Variants in SLC11A2 observed in about 807,000 individuals in gnomAD.
SLC11A2 encodes the protein solute carrier family 11 member 2.
In SLC11A2, 38 loss-of-function variants were observed where a neutral mutation model predicts 68.0. The observed-to-expected ratio is 0.56, with a 90% CI of 0.43 to 0.73. The LOEUF is 0.73. Among genes scored for constraint, SLC11A2 ranks in the 30% least tolerant of loss-of-function variants. The probability of loss-of-function intolerance (pLI) is 0.00; values close to 1 mark genes in which losing one functional copy is unlikely to be tolerated. For missense variants in SLC11A2, 517 were observed against 690.5 expected (o/e 0.75, Z 2.82); for synonymous variants, 242 against 250.6 (o/e 0.97, Z 0.32).
chr12:51,016,482 G>A (rs182491580), intron 1 of SLC11A2, among the ~76,000 whole-genome samples: 4 of 152,184 alleles, frequency 2.6e-5, no homozygotes, highest in Non-Finnish European at 5.9e-5. Flanking sequence ...GAGAGCTTGA[G>A]ACCAGCCTGG....
chr12:50,984,769 C>A (rs1940386520), downstream of SLC11A2, among the ~76,000 whole-genome samples: 1 of 152,172 alleles, frequency 6.6e-6, no homozygotes, highest in African/African-American at 2.4e-5. Flanking sequence ...GCACAGGGAC[C>A]AAAATCTACC....
chr12:51,000,697 G>A (rs567347822), intron 5 of SLC11A2: 210 of 588,798 alleles, frequency 3.6e-4, no homozygotes, highest in South Asian at 5.2e-4. Flanking sequence ...TACTTGAGAA[G>A]AATATAATTG....
chr12:50,982,336 C>A (rs760149016), downstream of SLC11A2, among the ~76,000 whole-genome samples: 1 of 152,186 alleles, frequency 6.6e-6, no homozygotes, highest in Non-Finnish European at 1.5e-5. Context: ...TTTTAAAACA[C>A]AATTCCCAGC....
chr12:50,961,190 G>T, the SLC11A2 span: 4 of 1,337,286 alleles, frequency 3.0e-6, no homozygotes, highest in South Asian at 4.1e-5. Context: ...GATGAATGTT[G>T]GGTCACAATG....
At chr12:51,013,445 C>T (rs552261538) in intron 1 of SLC11A2, among the ~76,000 whole-genome samples, 127 of 151,950 alleles carry the variant, frequency 8.4e-4, no homozygotes, top group African/African-American at 3.0e-3. Context: ...CGCCCACCAC[C>T]GAGCCCGGCT....
At chr12:50,973,500 T>C in the SLC11A2 span, among the ~76,000 whole-genome samples, 1 of 151,884 alleles carries the variant, frequency 6.6e-6, no homozygotes, top group Admixed American at 6.6e-5. Context: ...TACATCACCA[T>C]CATCAAAACC....
the SLC11A2 span, among the ~76,000 whole-genome samples, chr12:50,973,810 G>C: frequency 6.6e-6 from 1 of 152,210 alleles, no homozygotes; most frequent in African/African-American, 2.4e-5. Flanking sequence ...TGATGGAGCT[G>C]AAAACCATGG....
At chr12:50,961,807 C>T in the SLC11A2 span, among the ~76,000 whole-genome samples, 2 of 152,094 alleles carry the variant, frequency 1.3e-5, no homozygotes, top group Non-Finnish European at 2.9e-5. Context: ...AGTCATCCTG[C>T]GTAGGATGGA....
chr12:50,972,892 TG>T, the SLC11A2 span, among the ~76,000 whole-genome samples: 1 of 152,338 alleles, frequency 6.6e-6, no homozygotes, highest in South Asian at 2.1e-4. Flanking sequence ...CCTCACTGAT[TG>T]CTAGCACAGC....
intron 15 of SLC11A2, among the ~76,000 whole-genome samples, chr12:50,988,821 T>G (rs1940856636): frequency 6.6e-6 from 1 of 152,066 alleles, no homozygotes; most frequent in South Asian, 2.1e-4. Flanking sequence ...CAAGCAATCC[T>G]CTCTCCTCAG....
chr12:51,000,258 C>CTCTG lies in SLC11A2; in HGVS notation c.536+51_536+54dup, dbSNP rs1942086508. 22 of 1,295,400 alleles carry CTCTG rather than the reference C, an allele frequency of 1.7e-5. No individual in the cohort carries two copies. The Admixed American group carries it at 3.7e-4, about 22-fold the overall frequency. The allele number at this position is 1,295,400 out of a possible 1,614,324, so 80.2% of individuals were successfully genotyped here. On this transcript the variant is annotated intron_variant, in intron 6 of 15. Transcript: ENST00000262052. The stretch of plus-strand genomic sequence containing the variant: ...AAATGAATTGGGTTTTTGTTTTTAT[C>CTCTG]TCTGCTTGGAAATCCAGCAAAACAC...
chr12:51,025,620 A>T (rs1944328783), intron 1 of SLC11A2: 2 of 373,778 alleles, frequency 5.4e-6, no homozygotes, highest in Non-Finnish European at 7.4e-6. Context: ...CGGTAGCTTT[A>T]AAAGTGGGGA....
chr12:51,023,307 C>T (rs926141906), intron 1 of SLC11A2, among the ~76,000 whole-genome samples: 1 of 152,112 alleles, frequency 6.6e-6, no homozygotes, highest in African/African-American at 2.4e-5. Flanking sequence ...ATTAGCTGAG[C>T]ATGGTGGCGC....
At chr12:50,976,173 A>T (rs1400288493), downstream of SLC11A2, among the ~76,000 whole-genome samples, 3 of 148,982 alleles carry the variant, frequency 2.0e-5, no homozygotes, top group Non-Finnish European at 4.5e-5. Flanking sequence ...ACCAAAGCCT[A>T]GCAGAGACAC....
At chr12:51,010,093 A>G (rs1448516400) in intron 2 of SLC11A2, among the ~76,000 whole-genome samples, 1 of 152,060 alleles carries the variant, frequency 6.6e-6, no homozygotes. Flanking sequence ...CTGAGGCAGG[A>G]GAATCCATTG....
the SLC11A2 span, among the ~76,000 whole-genome samples, chr12:50,962,261 T>C: frequency 2.0e-5 from 3 of 149,466 alleles, no homozygotes; most frequent in East Asian, 2.0e-4. Flanking sequence ...ACACACAAAA[T>C]AGCTGGGTGT....
the SLC11A2 span, among the ~76,000 whole-genome samples, chr12:50,954,744 A>G: frequency 6.6e-6 from 1 of 152,174 alleles, no homozygotes; most frequent in South Asian, 2.1e-4. Flanking sequence ...ACAAACAAAT[A>G]AACAAAAAAC....
intron 15 of SLC11A2, among the ~76,000 whole-genome samples, chr12:50,989,426 G>T (rs224565): frequency 1.3e-5 from 2 of 152,108 alleles, no homozygotes; most frequent in East Asian, 3.9e-4. Flanking sequence ...AGGAGGCAGA[G>T]GTTGCAGTGA....
chr12:50,972,941 G>C, the SLC11A2 span, among the ~76,000 whole-genome samples: 1 of 152,226 alleles, frequency 6.6e-6, no homozygotes, highest in Non-Finnish European at 1.5e-5. Context: ...GCGAGGCTGG[G>C]GGAGGGGCGC....
Sources: gnomAD v4.1 joint callset for allele counts (sites outside exome capture counted in the v4.1 genomes callset) on GRCh38, gnomAD v4.1.1 for gene constraint, MANE v1.5 for transcripts, NCBI Gene and HGNC (gene_info 2026-07-23, HGNC 2026-07-21) for gene names.